Variants in EYA1 observed in about 807,000 individuals in gnomAD.
The protein encoded by EYA1 is protein phosphatase EYA1.
Under a neutral mutation model 82.0 loss-of-function variants are expected in EYA1, and 16 were observed. The observed-to-expected ratio is 0.20, with a 90% CI of 0.13 to 0.30. EYA1 has a LOEUF of 0.30. Ranked by LOEUF, EYA1 falls within the 10% of genes least tolerant of loss-of-function variation. The probability of loss-of-function intolerance (pLI) is 1.00; values close to 1 mark genes in which losing one functional copy is unlikely to be tolerated. For missense variants in EYA1, 633 were observed against 730.7 expected, an observed-to-expected ratio of 0.87 and a Z score of 1.54; for synonymous variants, 261 against 264.4, an observed-to-expected ratio of 0.99 and a Z score of 0.12.
chr8:71,316,402 T>C (rs1386037862), intron 7 of EYA1, among the ~76,000 whole-genome samples: 3 of 152,144 alleles, frequency 2.0e-5, no homozygotes, highest in Admixed American at 1.3e-4. Flanking sequence ...AAGTAAGATA[T>C]ACCTATTTAG....
chr8:71,321,386 C>A (rs1274829118), intron 6 of EYA1, among the ~76,000 whole-genome samples: 2 of 152,162 alleles, frequency 1.3e-5, no homozygotes, highest in Non-Finnish European at 2.9e-5. Flanking sequence ...TGAATCTGTA[C>A]CCCAAAAGAC....
chr8:71,271,958 C>T, intron 9 of EYA1, 61 bp from the exon 10 acceptor site: 1 of 1,592,036 alleles, frequency 6.3e-7, no homozygotes, highest in Non-Finnish European at 8.6e-7. Flanking sequence ...CCAAGATTAG[C>T]CTTGTTTTAA....
At chr8:71,410,713 C>T (rs1165300299) in intron 2 of EYA1, among the ~76,000 whole-genome samples, 2 of 148,342 alleles carry the variant, frequency 1.3e-5, no homozygotes, top group South Asian at 2.2e-4. Context: ...CAAACCACTG[C>T]TCAAGGAAAT....
At chr8:71,290,803 A>AAAAGAAAG (rs59515569) in intron 9 of EYA1, among the ~76,000 whole-genome samples, 30 of 151,280 alleles carry the variant, frequency 2.0e-4, no homozygotes, top group East Asian at 3.9e-4. Flanking sequence ...CCTCTGGGAA[A>AAAAGAAAG]AAAGAAAGAA....
At chr8:71,310,857 G>C (rs1407407572) in intron 7 of EYA1, among the ~76,000 whole-genome samples, 1 of 151,656 alleles carries the variant, frequency 6.6e-6, no homozygotes, top group Non-Finnish European at 1.5e-5. Context: ...GTATATTTTA[G>C]ACATAATACT....
intron 2 of EYA1, among the ~76,000 whole-genome samples, chr8:71,522,045 G>A (rs957091881): frequency 7.2e-5 from 11 of 152,066 alleles, no homozygotes; most frequent in African/African-American, 2.4e-5. Context: ...TACATCATGG[G>A]GCTCATAGAG....
intron 9 of EYA1, among the ~76,000 whole-genome samples, chr8:71,284,148 G>A (rs1290146071): frequency 3.3e-5 from 5 of 152,200 alleles, no homozygotes; most frequent in Admixed American, 2.6e-4. Flanking sequence ...ATGGGTACCT[G>A]CCTGGGGACC....
intron 2 of EYA1, among the ~76,000 whole-genome samples, chr8:71,471,216 C>A (rs1809179311): frequency 6.6e-6 from 1 of 151,822 alleles, no homozygotes; most frequent in Non-Finnish European, 1.5e-5. Flanking sequence ...GAATTCAGAT[C>A]ATCTAGATAA....
intron 11 of EYA1, among the ~76,000 whole-genome samples, chr8:71,267,694 A>G (rs2053663): frequency 0.75 from 114,095 of 151,850 alleles, 43,256 homozygotes; most frequent in East Asian, 0.88. Context: ...GACTACAGGC[A>G]CCTGCCACCA....
intron 12 of EYA1, among the ~76,000 whole-genome samples, chr8:71,230,354 C>G (rs1319867715): frequency 6.6e-6 from 1 of 152,210 alleles, no homozygotes; most frequent in Non-Finnish European, 1.5e-5. Context: ...GTGACACTGA[C>G]AGGTCCATTT....
In EYA1 at chr8:71,287,744, G is replaced by A. The variant is rs1038469920; in HGVS notation, c.826+11303C>T. Among the ~76,000 whole-genome samples the A allele has an allele frequency of 4.6e-5, 7 of 152,316 alleles. No homozygotes were observed. In the East Asian group the frequency reaches 1.2e-3, roughly 25 times the overall value. ...ACACATCAGCTTCCTGAGGCCAGGG[G>A]CCTTGCCTTTCTTGTCACCCCCATA... On this transcript the variant is annotated intron_variant, in intron 9 of 17. Transcript: ENST00000340726.
At chr8:71,366,386 T>A (rs2129084700), upstream of EYA1, among the ~76,000 whole-genome samples, 1 of 152,342 alleles carries the variant, frequency 6.6e-6, no homozygotes, top group East Asian at 1.9e-4. Flanking sequence ...GAAGCATATG[T>A]TTAATCTCAG....
chr8:71,368,955 G>T (rs1476322679), intron 2 of EYA1, among the ~76,000 whole-genome samples: 1 of 150,226 alleles, frequency 6.7e-6, no homozygotes, highest in Non-Finnish European at 1.5e-5. Context: ...TTGGGAGGTC[G>T]AGGCAGGTGG....
At chr8:71,357,332 A>G (rs1826986874) in intron 1 of EYA1, among the ~76,000 whole-genome samples, 3 of 152,334 alleles carry the variant, frequency 2.0e-5, no homozygotes, top group African/African-American at 4.8e-5. Context: ...TTGTTTCTAG[A>G]TGAATCTGTA....
intron 2 of EYA1, among the ~76,000 whole-genome samples, chr8:71,534,727 G>A (rs1159006466): frequency 1.3e-5 from 2 of 152,074 alleles, no homozygotes; most frequent in African/African-American, 4.8e-5. Context: ...ACAGGGAGGG[G>A]AACAACATGC....
At chr8:71,429,334 T>C (rs1805463649) in intron 2 of EYA1, among the ~76,000 whole-genome samples, 1 of 152,158 alleles carries the variant, frequency 6.6e-6, no homozygotes, top group Non-Finnish European at 1.5e-5. Context: ...TGATAAAAGA[T>C]GTCTAATCAC....
intron 12 of EYA1, among the ~76,000 whole-genome samples, chr8:71,230,404 G>A (rs1811055477): frequency 6.6e-6 from 1 of 152,212 alleles, no homozygotes; most frequent in Admixed American, 6.5e-5. Flanking sequence ...CCAGCAGACT[G>A]TGTGAGTGCT....
intron 2 of EYA1, among the ~76,000 whole-genome samples, chr8:71,521,768 G>A (rs1426155312): frequency 6.6e-6 from 1 of 152,086 alleles, no homozygotes; most frequent in African/African-American, 2.4e-5. Flanking sequence ...GCATGACTCT[G>A]TTATACTTTT....
intron 2 of EYA1, among the ~76,000 whole-genome samples, chr8:71,462,177 C>G (rs1157111698): frequency 1.3e-5 from 2 of 152,184 alleles, no homozygotes; most frequent in Non-Finnish European, 2.9e-5. Flanking sequence ...TGCCACCGTC[C>G]ATGGTGCCCA....
Sources: gnomAD v4.1 joint callset for allele counts (sites outside exome capture counted in the v4.1 genomes callset) on GRCh38, gnomAD v4.1.1 for gene constraint, MANE v1.5 for transcripts, NCBI Gene and HGNC (gene_info 2026-07-23, HGNC 2026-07-21) for gene names.